PRKCB: variants seen among roughly 807,000 people sequenced by gnomAD.
PRKCB encodes the protein protein kinase C beta type.
A neutral mutation model predicts 81.5 loss-of-function variants in PRKCB; 13 were observed. The observed-to-expected ratio is 0.16, with a 90% CI of 0.10 to 0.25. PRKCB has a LOEUF of 0.25. PRKCB is among the 10% of genes least tolerant of loss of function. The pLI is 1.00. For missense variants in PRKCB, 509 were observed against 875.7 expected, an observed-to-expected ratio of 0.58 and a Z score of 5.29; for synonymous variants, 335 against 321.4, an observed-to-expected ratio of 1.04 and a Z score of -0.45.
chr16:23,876,370 T>C (rs897487296), intron 2 of PRKCB, among the ~76,000 whole-genome samples: 3 of 152,258 alleles, frequency 2.0e-5, no homozygotes, highest in Admixed American at 6.5e-5. Flanking sequence ...TTTTCCGTCA[T>C]TCCCAAAAGA....
intron 9 of PRKCB, chr16:24,151,788 T>G: frequency 2.2e-6 from 1 of 455,988 alleles, no homozygotes; most frequent in Non-Finnish European, 4.4e-6. Context: ...AGCTGCATTT[T>G]CAGAACAGTC....
intron 5 of PRKCB, among the ~76,000 whole-genome samples, chr16:24,082,394 A>G (rs181986483): frequency 1.4e-3 from 207 of 152,304 alleles, no homozygotes; most frequent in Non-Finnish European, 2.6e-3. Context: ...GTGAATCCAG[A>G]ATGGCCAAAA....
At chr16:23,964,385 C>T (rs946208392) in intron 2 of PRKCB, among the ~76,000 whole-genome samples, 3 of 152,192 alleles carry the variant, frequency 2.0e-5, no homozygotes, top group African/African-American at 7.2e-5. Context: ...TGCCTTTGCG[C>T]TACAAGGATG....
intron 3 of PRKCB, among the ~76,000 whole-genome samples, chr16:24,015,336 A>G (rs770185832): frequency 3.9e-5 from 6 of 152,232 alleles, no homozygotes; most frequent in Non-Finnish European, 5.9e-5. Context: ...ACGACTGGAA[A>G]TTACCAGAGC....
intron 2 of PRKCB, among the ~76,000 whole-genome samples, chr16:23,953,467 G>A (rs1964309890): frequency 6.6e-6 from 1 of 152,178 alleles, no homozygotes; most frequent in African/African-American, 2.4e-5. Flanking sequence ...AGAAAGCATG[G>A]GGTATCACAC....
intron 15 of PRKCB, 149 bp from the exon 16 acceptor site, chr16:24,190,941 T>C: frequency 1.1e-6 from 1 of 933,694 alleles, no homozygotes; most frequent in Non-Finnish European, 1.6e-6. Flanking sequence ...GGCTGGGATT[T>C]TTTGCTGGGA....
chr16:24,216,407 A>G lies in PRKCB; in HGVS notation c.*1591A>G, dbSNP rs41303765. The G allele has an allele frequency of 0.035, 34,581 of 985,360 alleles. 656 individuals carry two copies. Among genetic ancestry groups the G allele is most frequent in the African/African-American group, 0.052 (2,979 of 57,308 alleles). The allele number at this position is 985,360 out of a possible 1,614,324, so 61.0% of individuals were successfully genotyped here. A position where few individuals can be genotyped will look rare whatever the true frequency, so the allele number is the denominator to read the frequency against. On this transcript the variant is annotated 3_prime_UTR_variant, in exon 17 of 17. Transcript: ENST00000643927. ...GTGGGAGAAATTTCATTTCTGTCTG[A>G]GAGGATTAAGGCAGCAGGTGACTCC...
intron 3 of PRKCB, among the ~76,000 whole-genome samples, chr16:24,019,653 A>G (rs941054120): frequency 3.3e-5 from 5 of 152,056 alleles, no homozygotes; most frequent in Non-Finnish European, 5.9e-5. Context: ...AGTCCCAGAC[A>G]CTTCGGGGGC....
At position 24,092,656 on chromosome 16, in the gene PRKCB, G is replaced by A. The variant is rs9928102; in HGVS notation, c.530-135G>A. On this transcript the variant is annotated intron_variant, in intron 5 of 16. Transcript: ENST00000643927. ...TCATTTTGTGCACTGCTTCAGCTATGGATGTTAATAAAATTAAATTTCTCA... is the reference window on the plus strand; with the variant it reads ...TCATTTTGTGCACTGCTTCAGCTATAGATGTTAATAAAATTAAATTTCTCA... 60,573 of 801,222 alleles carry A rather than the reference G, an allele frequency of 0.076. 3,137 individuals carry two copies. The highest frequency in any genetic ancestry group is 0.2 in the African/African-American group (11,243 of 57,634). The allele number at this position is 801,222 out of a possible 1,614,324, so 49.6% of individuals were successfully genotyped here.
intron 2 of PRKCB, among the ~76,000 whole-genome samples, chr16:23,946,847 TTCTTTG>T (rs1159788502): frequency 7.9e-6 from 1 of 125,848 alleles, no homozygotes; most frequent in African/African-American, 3.0e-5. Context: ...CTTTCATTCT[TTCTTTG>T]TCTTTGTCTT....
chr16:23,981,249 G>A (rs1055065087), intron 2 of PRKCB, among the ~76,000 whole-genome samples: 2 of 151,890 alleles, frequency 1.3e-5, no homozygotes, highest in African/African-American at 4.8e-5. Flanking sequence ...ACATTCCTTG[G>A]CTTGCGTTCC....
At chr16:23,975,261 C>T (rs1203818014) in intron 2 of PRKCB, among the ~76,000 whole-genome samples, 3 of 152,002 alleles carry the variant, frequency 2.0e-5, no homozygotes, top group Non-Finnish European at 4.4e-5. Flanking sequence ...GAGTTGGGGG[C>T]CTGGGATTGA....
intron 2 of PRKCB, among the ~76,000 whole-genome samples, chr16:23,856,123 G>A (rs1962562438): frequency 6.6e-6 from 1 of 152,196 alleles, no homozygotes; most frequent in South Asian, 2.1e-4. Context: ...CATGGACAGA[G>A]AGTCCTAATC....
rs1333480551 is a variant in PRKCB, at chr16:24,052,871, C to T, written c.529+17324C>T. On this transcript the variant is annotated intron_variant, in intron 5 of 16. Coordinates refer to ENST00000643927, the MANE Select transcript of PRKCB (RefSeq NM_002738.7). ...CATTCAGTGACTTAGAATCCCTTAA[C>T]CTCCTGAGAATGCAGCCCAGTAGGT... Among the ~76,000 whole-genome samples, 4 of 152,206 alleles carry T rather than the reference C, an allele frequency of 2.6e-5. No individual in the cohort carries two copies. In the East Asian group the frequency reaches 7.7e-4, roughly 29 times the overall value.
intron 2 of PRKCB, among the ~76,000 whole-genome samples, chr16:23,973,612 C>T (rs1302370390): frequency 6.6e-6 from 1 of 152,190 alleles, no homozygotes; most frequent in Non-Finnish European, 1.5e-5. Flanking sequence ...TGGGAACATA[C>T]AGTGAGCATG....
In PRKCB at chr16:24,032,243, T is replaced by G; in HGVS notation, c.396T>G (p.Cys132Trp). The change falls in exon 4 of 17, where the codon TGT becomes TGG. Residue 132 changes from cysteine to tryptophan, a missense_variant. Physicochemically the swap from Cys to Trp is radical, Grantham distance 215. This residue lies in a region of PRKCB where 184 missense variants were observed against 362.9 expected (regional missense o/e 0.51). Coordinates refer to ENST00000643927, the MANE Select transcript of PRKCB (RefSeq NM_002738.7). ...GACTCATCCACCAGGGGATGAAATG[T>G]GACAGTAAGTACTTTTTCTCTCTGG... ...LYGLIHQGMK[C>W]DTCMMNVHKR... 6.3e-7 allele frequency: 1 copy of G among 1,598,672 alleles called. No individual in the cohort carries two copies. Among genetic ancestry groups the G allele is most frequent in the Non-Finnish European group, 8.6e-7 (1 of 1,166,406 alleles).
chr16:24,001,941 A>G (rs1027633985), intron 3 of PRKCB, among the ~76,000 whole-genome samples: 3 of 152,306 alleles, frequency 2.0e-5, no homozygotes, highest in East Asian at 1.9e-4. Flanking sequence ...CTTGCAAGAT[A>G]CTTTTCCATT....
intron 5 of PRKCB, among the ~76,000 whole-genome samples, chr16:24,060,230 A>G (rs1326379613): frequency 2.6e-5 from 4 of 152,188 alleles, no homozygotes; most frequent in Admixed American, 6.5e-5. Context: ...ATGAAGCCCC[A>G]TGAGTCTCAG....
In PRKCB at chr16:24,217,685, G is replaced by C; in HGVS notation, c.*2869G>C. On this transcript the variant is annotated 3_prime_UTR_variant, in exon 17 of 17. Coordinates refer to ENST00000643927, the MANE Select transcript of PRKCB (RefSeq NM_002738.7). ...AACAAACGGGGCAGGGCTTTCCAAG[G>C]TGGGGCTGGTCAGAAGGGAATCTTT... 1 of 985,564 alleles carries C rather than the reference G, an allele frequency of 1.0e-6. No individual in the cohort carries two copies. The allele number at this position is 985,564 out of a possible 1,614,324, so 61.1% of individuals were successfully genotyped here.
Sources: gnomAD v4.1 joint callset for allele counts (sites outside exome capture counted in the v4.1 genomes callset) on GRCh38, gnomAD v4.1.1 for gene constraint, gnomAD v4.1.1 regional missense constraint, MANE v1.5 for transcripts, NCBI Gene and HGNC (gene_info 2026-07-23, HGNC 2026-07-21) for gene names.